Variants in SCNN1A observed in about 807,000 individuals in gnomAD.
The protein encoded by SCNN1A is sodium channel epithelial 1 subunit alpha.
Under a neutral mutation model 68.6 loss-of-function variants are expected in SCNN1A, and 65 were observed. The observed-to-expected ratio is 0.95, with a 90% CI of 0.78 to 1.16. The LOEUF is 1.16. Among genes scored for constraint, SCNN1A ranks in the 50% most tolerant of loss-of-function variants. SCNN1A has a pLI of 0.00. For synonymous variants in SCNN1A, 357 were observed against 353.3 expected, an observed-to-expected ratio of 1.01 and a Z score of -0.12; for missense variants, 880 against 865.9, an observed-to-expected ratio of 1.02 and a Z score of -0.20.
At chr12:6,376,002 G>A, upstream of SCNN1A, 1 of 1,004,232 alleles carries the variant, frequency 1.0e-6, no homozygotes, top group Non-Finnish European at 1.2e-6. Context: ...GAAGGAGCCA[G>A]CACCAAAGGG....
intron 4 of SCNN1A, among the ~76,000 whole-genome samples, chr12:6,357,435 G>C (rs1177088095): frequency 6.6e-6 from 1 of 151,310 alleles, no homozygotes; most frequent in African/African-American, 2.4e-5. Context: ...TTCGCCAGGC[G>C]TGGTGGTGGG....
At position 6,355,417 on chromosome 12, in the gene SCNN1A, C is replaced by T. The variant is rs778199680; in HGVS notation, c.998G>A (p.Arg333His). 29 of 1,613,806 alleles carry T rather than the reference C, an allele frequency of 1.8e-5. No individual in the cohort carries two copies. The highest frequency in any genetic ancestry group is 5.3e-5 in the African/African-American group (4 of 74,912). Residue 333 changes from arginine (R) to histidine (H), a missense_variant, in exon 6 of 13, where the codon CGC (arginine) becomes CAC (histidine). By Grantham distance (29) the Arg-to-His change is conservative (BLOSUM62 0). Coordinates refer to ENST00000228916, the MANE Select transcript of SCNN1A (RefSeq NM_001038.6). ...GINNGLSLML[R>H]AEQNDFIPLL... ...GGGAATGAAGTCATTCTGCTCTGCG[C>T]GCAGCATCAGGGACAGACCTAGGGG...
rs1167077153 is a variant in SCNN1A at position 6,363,433 on chromosome 12, C to T, written c.684+10G>A. On this transcript the variant is annotated intron_variant, in intron 3 of 12. Transcript: ENST00000228916. The stretch of plus-strand genomic sequence containing the variant: ...GGGCGGGGCGGGCCCCTCGGCGCTG[C>T]GGGCCTCACCAGCTGGAAGCCGATC... 1 of 1,544,368 alleles carries T rather than the reference C, an allele frequency of 6.5e-7. No individual in the cohort carries two copies. Among genetic ancestry groups the T allele is most frequent in the Non-Finnish European group, 8.7e-7 (1 of 1,146,402 alleles).
intron 3 of SCNN1A, 86 bp downstream of exon 3, chr12:6,363,357 G>T (rs1031189984): frequency 3.2e-6 from 4 of 1,252,278 alleles, no homozygotes; most frequent in African/African-American, 3.2e-5. Context: ...TGCGCGGGCG[G>T]GTCAGGAAAG....
At chr12:6,366,015 C>T (rs1200198477) in intron 2 of SCNN1A, among the ~76,000 whole-genome samples, 3 of 152,060 alleles carry the variant, frequency 2.0e-5, no homozygotes, top group Non-Finnish European at 2.9e-5. Flanking sequence ...CCACCACGCC[C>T]GGCTAATTTT....
In SCNN1A at chr12:6,375,513, T is replaced by C; in HGVS notation, c.-63A>G. On this transcript the variant is annotated 5_prime_UTR_variant, in exon 1 of 13. Coordinates refer to ENST00000228916, the MANE Select transcript of SCNN1A (RefSeq NM_001038.6). ...CCTCTCCTCCCCCTCACCTGACAGG[T>C]GCAGCGGCCTGGCTGGGGAGCCCGC... is the stretch of plus-strand genomic sequence containing the variant. 6.5e-7 allele frequency: 1 copy of C among 1,534,916 alleles called. No homozygotes were observed.
Position 6,348,725 on chromosome 12 carries a change from A to G in SCNN1A, c.1629+2T>C, listed in dbSNP as rs1368207238. The G allele has an allele frequency of 3.1e-6, 5 of 1,612,190 alleles. No individual in the cohort carries two copies. Among genetic ancestry groups the G allele is most frequent in the Non-Finnish European group, 4.2e-6 (5 of 1,178,906 alleles). On this transcript the variant is annotated splice_donor_variant, in intron 12 of 12. Transcript: ENST00000228916. LOFTEE classifies it high-confidence loss of function. ...CACAGGCTCCATCCAGGCACGACCTACCGTGACAGAGGGAGACTCAGAATT... is the reference window on the plus strand; with the variant it reads ...CACAGGCTCCATCCAGGCACGACCTGCCGTGACAGAGGGAGACTCAGAATT...
At chr12:6,355,145 G>C in intron 6 of SCNN1A, 127 bp downstream of exon 6, 1 of 1,076,688 alleles carries the variant, frequency 9.3e-7, no homozygotes, top group Admixed American at 2.0e-5. Context: ...CCTCATTCCT[G>C]CTCCTGAAGA....
chr12:6,350,449 G>C (rs1384598006), intron 8 of SCNN1A, among the ~76,000 whole-genome samples: 1 of 145,884 alleles, frequency 6.9e-6, no homozygotes, highest in Non-Finnish European at 1.5e-5. Context: ...AAAAAAAAAA[G>C]AAAAGAAAAA....
At position 6,374,163 on chromosome 12, in the gene SCNN1A, G is replaced by T. The variant is rs940927705; in HGVS notation, c.416+205C>A. Among the ~76,000 whole-genome samples, 5 of 152,192 alleles carry T rather than the reference G, an allele frequency of 3.3e-5. No homozygotes were observed. Among genetic ancestry groups the T allele is most frequent in the African/African-American group, 9.6e-5 (4 of 41,458 alleles). ...AACAACCACACTCTGGGTGAGCCTG[G>T]GGTGCTAGGATGGCTCCACTGGGCA... On this transcript the variant is annotated intron_variant, in intron 2 of 12. Transcript: ENST00000228916. This position sits in a 1 kb window ranked among gnomAD's most constrained non-coding sequence, Gnocchi z 6.2.
chr12:6,353,051 C>G (rs1484611038), intron 8 of SCNN1A, among the ~76,000 whole-genome samples: 1 of 152,194 alleles, frequency 6.6e-6, no homozygotes, highest in Non-Finnish European at 1.5e-5. Context: ...GAATGCAAAC[C>G]CTTGCAGCTT....
chr12:6,355,336 G>C lies in SCNN1A; in HGVS notation c.1079C>G (p.Ala360Gly). 6.2e-7 allele frequency: 1 copy of C among 1,613,896 alleles called. No homozygotes were observed. The highest frequency in any genetic ancestry group is 1.1e-5 in the South Asian group (1 of 91,004). The change falls in exon 6 of 13, where the codon GCC (alanine) becomes GGC (glycine). Residue 360 changes from alanine to glycine, a missense_variant. This residue lies in a region of SCNN1A where 758 missense variants were observed against 721.8 expected (regional missense o/e 1.05). Coordinates refer to ENST00000228916, the MANE Select transcript of SCNN1A (RefSeq NM_001038.6). ...RVMVHGQDEP[A>G]FMDDGGFNLR... Reference sequence around the variant, plus strand: ...GTTAAAGCCACCATCATCCATAAAGGCAGGTTCATCCTGCCCGTGCACCAT... The same window carrying C: ...GTTAAAGCCACCATCATCCATAAAGCCAGGTTCATCCTGCCCGTGCACCAT...
intron 4 of SCNN1A, among the ~76,000 whole-genome samples, chr12:6,359,137 T>A (rs6489711): frequency 6.6e-6 from 1 of 151,874 alleles, no homozygotes; most frequent in South Asian, 2.1e-4. Flanking sequence ...GGGTTTCTTT[T>A]TGGGGTAAGG....
intron 2 of SCNN1A, among the ~76,000 whole-genome samples, chr12:6,368,923 TGGG>T (rs1565485064): frequency 2.0e-5 from 3 of 152,134 alleles, no homozygotes; most frequent in Non-Finnish European, 4.4e-5. Flanking sequence ...ATGAAGCTCT[TGGG>T]GGGTTAAGTG....
At chr12:6,361,550 A>C (rs1948578996) in intron 4 of SCNN1A, among the ~76,000 whole-genome samples, 1 of 151,840 alleles carries the variant, frequency 6.6e-6, no homozygotes, top group Non-Finnish European at 1.5e-5. Flanking sequence ...GACCAGCCTG[A>C]CCAACATGGA....
chr12:6,363,821 A>T (rs1199322830), intron 2 of SCNN1A, 111 bp from the exon 3 acceptor site: 1 of 1,088,184 alleles, frequency 9.2e-7, no homozygotes, highest in African/African-American at 1.6e-5. Flanking sequence ...ATCCCGGAGA[A>T]GCCTGGGCGG....
intron 2 of SCNN1A, among the ~76,000 whole-genome samples, chr12:6,364,944 C>T (rs914859762): frequency 2.0e-5 from 3 of 151,628 alleles, no homozygotes. Flanking sequence ...ATATTGAAAT[C>T]CCTGCTGAAA....
intron 4 of SCNN1A, among the ~76,000 whole-genome samples, chr12:6,357,302 A>G (rs1393837835): frequency 6.6e-6 from 1 of 152,204 alleles, no homozygotes; most frequent in Non-Finnish European, 1.5e-5. Context: ...GGTGGGGCAC[A>G]GTGGCTCACG....
rs1337099439 is a variant in SCNN1A at position 6,348,170 on chromosome 12, C to T, written c.1713G>A (p.Glu571=). The change falls in exon 13 of 13, where the codon GAG becomes GAA. Residue 571 remains glutamate (E), a synonymous_variant. Transcript: ENST00000228916. The part of the protein sequence containing the change: ...SSVLSVVEMA[E]LVFDLLVIMF... ...TGATGACCAGCAGGTCAAAGACGAG[C>T]TCAGCCATCTCCACCACAGACAACA... 2.5e-6 allele frequency: 4 copies of T among 1,614,014 alleles called. No individual in the cohort carries two copies. The highest frequency in any genetic ancestry group is 1.7e-5 in the Admixed American group (1 of 60,008).
Sources: allele counts gnomAD v4.1 joint callset (sites outside exome capture counted in the v4.1 genomes callset), GRCh38; gene constraint gnomAD v4.1.1; regional missense constraint gnomAD v4.1.1; non-coding constraint Gnocchi (gnomAD v3.1); transcripts MANE v1.5; gene names NCBI Gene and HGNC (gene_info 2026-07-23, HGNC 2026-07-21).